The following AADACL3 variants were observed in gnomAD, a reference collection of about 807,000 sequenced individuals.
AADACL3 encodes the protein arylacetamide deacetylase like 3, also known as arylacetamide deacetylase-like 3.
AADACL3 carries 13 observed loss-of-function variants against 13.6 expected under a neutral mutation model. The observed-to-expected ratio is 0.95, with a 90% CI of 0.62 to 1.52. The LOEUF (loss-of-function observed/expected upper bound fraction) is 1.52. AADACL3 is among the 40% of genes most tolerant of loss of function. The pLI is 0.00. For synonymous variants in AADACL3, 195 were observed against 197.0 expected, an observed-to-expected ratio of 0.99 and a Z score of 0.08; for missense variants, 519 against 499.2, an observed-to-expected ratio of 1.04 and a Z score of -0.38.
Position 12,727,645 on chromosome 1 carries a change from T to C in AADACL3, c.*1649T>C, listed in dbSNP as rs914930447. 1.3e-5 allele frequency: 2 copies of C among 152,268 alleles called. No individual in the cohort carries two copies. The highest frequency in any genetic ancestry group is 2.9e-5 in the Non-Finnish European group (2 of 68,060). The allele number at this position is 152,268 out of a possible 1,614,324, so 9.4% of individuals were successfully genotyped here. On this transcript the variant is annotated 3_prime_UTR_variant, in exon 4 of 4. Transcript: ENST00000359318. ...TCAGTTGAATATTTGGGCTGAACTA[T>C]GAGGCAGAGAGGAATCCCATTGGGT...
intron 1 of AADACL3, among the ~76,000 whole-genome samples, chr1:12,719,183 G>A (rs1195065843): frequency 6.6e-6 from 1 of 152,142 alleles, no homozygotes; most frequent in Non-Finnish European, 1.5e-5. Flanking sequence ...TGCAAGTAGA[G>A]GGACCATCAA....
intron 3 of AADACL3, among the ~76,000 whole-genome samples, chr1:12,722,875 G>T (rs539453788): frequency 6.6e-6 from 1 of 152,100 alleles, no homozygotes; most frequent in Non-Finnish European, 1.5e-5. Flanking sequence ...ATGTCGACAG[G>T]TTCTTGGAAC....
Position 12,719,546 on chromosome 1 carries a change from G to A in AADACL3, c.240G>A (p.Pro80=), listed in dbSNP as rs371665362. 1.5e-5 allele frequency: 24 copies of A among 1,613,968 alleles called. No individual in the cohort carries two copies. Among genetic ancestry groups the A allele is most frequent in the African/African-American group, 4.0e-5 (3 of 74,908 alleles). Residue 80 remains proline (P), a synonymous_variant, in exon 2 of 4, where the codon CCG becomes CCA. Coordinates refer to ENST00000359318, the MANE Select transcript of AADACL3 (RefSeq NM_001103170.3). ...TCTGTTTCATGCAAGATCTGCCTCC[G>A]CTAAAGTATGACCCCGATGTTGTGG... The part of the protein sequence containing the change: ...QFFCFMQDLP[P]LKYDPDVVVT...
chr1:12,722,682 C>CTT (rs1053024862), intron 3 of AADACL3, among the ~76,000 whole-genome samples: 57 of 140,948 alleles, frequency 4.0e-4, no homozygotes, highest in African/African-American at 1.4e-3. Flanking sequence ...GTTTCTTTGT[C>CTT]TTTTTTTTTT....
chr1:12,725,932 T>C lies in AADACL3; in HGVS notation c.1160T>C (p.Phe387Ser). Residue 387 changes from phenylalanine (F) to serine (S), a missense_variant, in exon 4 of 4, where the codon TTC (phenylalanine) becomes TCC (serine). Coordinates refer to ENST00000359318, the MANE Select transcript of AADACL3 (RefSeq NM_001103170.3). ...HGVLRTIDMS[F>S]LHFPCSMRIL... ...GTGCTCAGGACCATTGACATGAGCT[T>C]CTTGCACTTTCCCTGCTCCATGAGA... 2 of 1,614,170 alleles carry C rather than the reference T, an allele frequency of 1.2e-6. No homozygotes were observed. The highest frequency in any genetic ancestry group is 1.7e-6 in the Non-Finnish European group (2 of 1,180,018).
In AADACL3 at chr1:12,725,678, G is replaced by T. The variant is rs1557572646; in HGVS notation, c.906G>T (p.Lys302Asn). 1.2e-6 allele frequency: 2 copies of T among 1,614,024 alleles called. No individual in the cohort carries two copies. Among genetic ancestry groups the T allele is most frequent in the African/African-American group, 2.7e-5 (2 of 74,894 alleles). Residue 302 changes from lysine to asparagine, a missense_variant, in exon 4 of 4, where the codon AAG (lysine) becomes AAT (asparagine). Physicochemically the swap from Lys to Asn is moderately conservative, Grantham distance 94. Transcript: ENST00000359318. The part of the protein sequence containing the change: ...ERFKERGYQL[K>N]PHEPMNEAAY... ...TTAAGGAGAGGGGTTACCAACTGAA[G>T]CCCCATGAGCCCATGAATGAAGCTG...
intron 3 of AADACL3, among the ~76,000 whole-genome samples, chr1:12,722,458 G>A (rs147294029): frequency 7.8e-4 from 118 of 152,120 alleles, no homozygotes; most frequent in African/African-American, 2.3e-3. Context: ...GGATGTTGCC[G>A]GACACCTTGT....
rs376651546 is a variant in AADACL3, at chr1:12,725,618, A to G, written c.846A>G (p.Arg282=). The G allele has an allele frequency of 1.2e-6, 2 of 1,613,952 alleles. No individual in the cohort carries two copies. Among genetic ancestry groups the G allele is most frequent in the Non-Finnish European group, 1.7e-6 (2 of 1,180,014 alleles). ...HLPAEVWEKY[R]KWLGPENIPE... is the part of the protein sequence containing the mutation. ...CTGCTGAAGTCTGGGAAAAGTACAG[A>G]AAGTGGTTGGGCCCAGAAAACATCC... Residue 282 remains arginine, a synonymous_variant, in exon 4 of 4, where the codon AGA becomes AGG. Coordinates refer to ENST00000359318, the MANE Select transcript of AADACL3 (RefSeq NM_001103170.3).
At position 12,718,492 on chromosome 1, in the gene AADACL3, G is replaced by A. The variant is rs540960080; in HGVS notation, c.169-983G>A. ...CAGAGGGAGAGCCCTCTTTATTTAC[G>A]TATTTTTAACTCTTTTTTTTTGAGC... is the stretch of plus-strand genomic sequence containing the variant. On this transcript the variant is annotated intron_variant, in intron 1 of 3. Transcript: ENST00000359318. Among the ~76,000 whole-genome samples, 6 of 152,066 alleles carry A rather than the reference G, an allele frequency of 3.9e-5. No individual in the cohort carries two copies. In the East Asian group the frequency reaches 5.8e-4, roughly 15 times the overall value.
Position 12,725,328 on chromosome 1 carries a change from C to CATATGGAGT in AADACL3, c.556_557insATATGGAGT (p.Arg186delinsHisMetGluTrp), listed in dbSNP as rs747842361. The CATATGGAGT allele has an allele frequency of 8.7e-6, 14 of 1,614,088 alleles. No homozygotes were observed. The East Asian group carries it at 2.0e-4, about 23-fold the overall frequency. ...GGATGCATATGGAGTGGATCCAGCC[C>CATATGGAGT]GGGTTGTGGTCTGCGGTGACAGTTT... On this transcript the variant is annotated protein_altering_variant, in exon 4 of 4. Coordinates refer to ENST00000359318, the MANE Select transcript of AADACL3 (RefSeq NM_001103170.3).
Position 12,719,647 on chromosome 1 carries a change from G to A in AADACL3, c.341G>A (p.Gly114Asp). 2 of 1,614,172 alleles carry A rather than the reference G, an allele frequency of 1.2e-6. No homozygotes were observed. Among genetic ancestry groups the A allele is most frequent in the Non-Finnish European group, 1.7e-6 (2 of 1,180,028 alleles). The change falls in exon 2 of 4, where the codon GGC (glycine) becomes GAC (aspartate). Residue 114 changes from glycine (G) to aspartate (D), a missense_variant. By Grantham distance (94) the Gly-to-Asp change is moderately conservative. Transcript: ENST00000359318. ...GCATCCACCTGCACCCTGAAGCCTG[G>A]CATCGTGTACTACCACGGTGGCGGG... The part of the protein sequence containing the change: ...PKASTCTLKP[G>D]IVYYHGGGGV...
rs189878282 is a variant in AADACL3 at position 12,725,795 on chromosome 1, C to G, written c.1023C>G (p.Ile341Met). ...DIVSQLPETCIVSCEYDALRD... is the reference protein window; with the variant it reads ...DIVSQLPETCMVSCEYDALRD... ...TGTCTCAGCTCCCGGAAACCTGCAT[C>G]GTGAGCTGTGAGTATGATGCTCTCC... Residue 341 changes from isoleucine (I) to methionine (M), a missense_variant, in exon 4 of 4, where the codon ATC becomes ATG. Physicochemically the swap from Ile to Met is conservative, Grantham distance 10. Transcript: ENST00000359318. The G allele has an allele frequency of 1.2e-6, 2 of 1,614,046 alleles. No individual in the cohort carries two copies. The highest frequency in any genetic ancestry group is 2.7e-5 in the African/African-American group (2 of 74,920).
Position 12,727,101 on chromosome 1 carries a change from G to C in AADACL3, c.*1105G>C, listed in dbSNP as rs1420329750. ...CATGCCTACCTTCCTCCAGGGTCAA[G>C]TTCATTATCATGGACTTGCCTCATG... On this transcript the variant is annotated 3_prime_UTR_variant, in exon 4 of 4. Transcript: ENST00000359318. 3 of 152,218 alleles carry C rather than the reference G, an allele frequency of 2.0e-5. No homozygotes were observed. The highest frequency in any genetic ancestry group is 4.8e-5 in the African/African-American group (2 of 41,446). The allele number at this position is 152,218 out of a possible 1,614,324, so 9.4% of individuals were successfully genotyped here. A position where few individuals can be genotyped will look rare whatever the true frequency, so the allele number is the denominator to read the frequency against.
intron 3 of AADACL3, 23 bp downstream of exon 3, chr1:12,720,969 G>A (rs1335791463): frequency 1.3e-6 from 2 of 1,587,990 alleles, no homozygotes; most frequent in Middle Eastern, 1.7e-4. Flanking sequence ...GAGATCCCAG[G>A]GAGCCAGCAA....
At chr1:12,722,311 A>G (rs562235384) in intron 3 of AADACL3, among the ~76,000 whole-genome samples, 7 of 132,212 alleles carry the variant, frequency 5.3e-5, no homozygotes, top group African/African-American at 2.0e-4. Flanking sequence ...TGGGTGACAG[A>G]GTGAGATTCC....
chr1:12,724,863 G>A (rs1240684840), intron 3 of AADACL3, among the ~76,000 whole-genome samples: 2 of 152,196 alleles, frequency 1.3e-5, no homozygotes, highest in African/African-American at 4.8e-5. Flanking sequence ...AACCCAAGCA[G>A]GTCTTGAAGT....
At position 12,716,124 on chromosome 1, in the gene AADACL3, A is replaced by G. The variant is rs1265504754; in HGVS notation, c.-53A>G. ...CTGCTGGCTCTGAACCATGTCCTAA[A>G]TGGTTTACACTGCGCACAGCTTCCT... On this transcript the variant is annotated 5_prime_UTR_variant, in exon 1 of 4. It removes an upstream start codon present in the reference 5' UTR. Transcript: ENST00000359318. 3.2e-6 allele frequency: 2 copies of G among 628,484 alleles called. No homozygotes were observed. The highest frequency in any genetic ancestry group is 5.4e-5 in the East Asian group (2 of 36,924). The allele number at this position is 628,484 out of a possible 1,614,324, so 38.9% of individuals were successfully genotyped here. A position where few individuals can be genotyped will look rare whatever the true frequency, so the allele number is the denominator to read the frequency against.
chr1:12,726,192 G>A lies in AADACL3; in HGVS notation c.*196G>A. 1 of 620,964 alleles carries A rather than the reference G, an allele frequency of 1.6e-6. No individual in the cohort carries two copies. Among genetic ancestry groups the A allele is most frequent in the Non-Finnish European group, 2.7e-6 (1 of 369,308 alleles). 38.5% of individuals were successfully genotyped at this position (620,964 alleles called of 1,614,324 possible). On this transcript the variant is annotated 3_prime_UTR_variant, in exon 4 of 4. Coordinates refer to ENST00000359318, the MANE Select transcript of AADACL3 (RefSeq NM_001103170.3). ...TCCAGAGGACGTGGTAGAAAAGACA[G>A]GTTTGGAGGTGGGAGTGTGGCTGTC...
intron 3 of AADACL3, among the ~76,000 whole-genome samples, chr1:12,723,196 C>T (rs1347098607): frequency 6.6e-6 from 1 of 151,732 alleles, no homozygotes; most frequent in Non-Finnish European, 1.5e-5. Flanking sequence ...AAGAAAAACA[C>T]CTGCTAATAT....
Sources: allele counts gnomAD v4.1 joint callset (sites outside exome capture counted in the v4.1 genomes callset), GRCh38; gene constraint gnomAD v4.1.1; transcripts MANE v1.5; gene names NCBI Gene and HGNC (gene_info 2026-07-23, HGNC 2026-07-21).